The following VPS13B variants were observed in gnomAD, a reference collection of about 807,000 sequenced individuals.
VPS13B encodes intermembrane lipid transfer protein VPS13B.
A neutral mutation model predicts 426.4 loss-of-function variants in VPS13B; 285 were observed. That is an observed-to-expected ratio of 0.67 (90% CI 0.61 to 0.74). The LOEUF (loss-of-function observed/expected upper bound fraction) is 0.74, where lower values mean the gene tolerates loss of function less well. VPS13B is among the 30% of genes least tolerant of loss of function. The probability of loss-of-function intolerance (pLI) is 0.00; values close to 1 mark genes in which losing one functional copy is unlikely to be tolerated. For missense variants in VPS13B, 4,537 were observed against 4,782.6 expected (o/e 0.95, Z 1.51); for synonymous variants, 1,676 against 1,676.4 (o/e 1.00, Z 0.01).
intron 54 of VPS13B, among the ~76,000 whole-genome samples, chr8:99,843,329 G>T (rs1815807046): frequency 6.6e-6 from 1 of 152,004 alleles, no homozygotes; most frequent in African/African-American, 2.4e-5. Context: ...ATCAGGACTG[G>T]CCGGGTTATT....
intron 39 of VPS13B, among the ~76,000 whole-genome samples, chr8:99,740,696 A>C (rs149893352): frequency 5.9e-5 from 9 of 152,296 alleles, no homozygotes; most frequent in African/African-American, 2.2e-4. Context: ...AGAATTTTGA[A>C]CCCAGAATTT....
intron 39 of VPS13B, among the ~76,000 whole-genome samples, chr8:99,754,888 C>CA (rs1810562692): frequency 6.6e-6 from 1 of 152,138 alleles, no homozygotes; most frequent in Non-Finnish European, 1.5e-5. Context: ...CCCCAACCCC[C>CA]ATGCCCCCAC....
rs773907481 is a variant in VPS13B, at chr8:99,853,438, C to T, written c.10062-13C>T. 1 of 1,613,988 alleles carries T rather than the reference C, an allele frequency of 6.2e-7. No homozygotes were observed. On this transcript the variant is annotated splice_polypyrimidine_tract_variant and intron_variant, in intron 55 of 61. Coordinates refer to ENST00000357162, the MANE Select transcript of VPS13B (RefSeq NM_152564.5). ...AGTGGGGGGACTAATGTTCTTGTCC[C>T]TTTCTCCTCTAGAGCGCCAGAGAAG... is the stretch of plus-strand genomic sequence containing the variant.
chr8:99,026,689 T>C (rs1167561075), intron 2 of VPS13B, among the ~76,000 whole-genome samples: 1 of 152,172 alleles, frequency 6.6e-6, no homozygotes, highest in Non-Finnish European at 1.5e-5. Context: ...TCATTATTAT[T>C]ATATGATGAC....
intron 12 of VPS13B, among the ~76,000 whole-genome samples, chr8:99,141,987 A>G (rs1810452758): frequency 6.6e-6 from 1 of 151,736 alleles, no homozygotes; most frequent in East Asian, 1.9e-4. Flanking sequence ...CAGGAGGCGG[A>G]GCTTTCAGTG....
intron 36 of VPS13B, 106 bp from the exon 37 acceptor site, chr8:99,717,065 C>G (rs1267364799): frequency 8.6e-7 from 1 of 1,169,300 alleles, no homozygotes; most frequent in Non-Finnish European, 1.2e-6. Context: ...AGCAAGACGA[C>G]TCTGACAAAG....
chr8:99,781,563 T>C (rs1812022750), intron 42 of VPS13B, among the ~76,000 whole-genome samples: 1 of 152,172 alleles, frequency 6.6e-6, no homozygotes, highest in Non-Finnish European at 1.5e-5. Context: ...ATTACAGTTA[T>C]AATGAACTCC....
At chr8:99,492,094 T>A (rs1820635896) in intron 25 of VPS13B, among the ~76,000 whole-genome samples, 1 of 152,184 alleles carries the variant, frequency 6.6e-6, no homozygotes, top group Non-Finnish European at 1.5e-5. Flanking sequence ...TTTCTGTTTG[T>A]TAGTTTTCCT....
intron 17 of VPS13B, among the ~76,000 whole-genome samples, chr8:99,211,185 G>T (rs1426053567): frequency 6.6e-6 from 1 of 152,166 alleles, no homozygotes; most frequent in African/African-American, 2.4e-5. Flanking sequence ...TAGGCAAAAG[G>T]CATCTTTGTT....
chr8:99,647,365 C>T (rs577858188), intron 34 of VPS13B, among the ~76,000 whole-genome samples: 1 of 152,042 alleles, frequency 6.6e-6, no homozygotes, highest in Admixed American at 6.6e-5. Context: ...AGTTCAAGAC[C>T]AGCCTGGCCA....
intron 39 of VPS13B, among the ~76,000 whole-genome samples, chr8:99,731,006 GA>G (rs958364258): frequency 2.6e-5 from 4 of 151,730 alleles, no homozygotes; most frequent in East Asian, 1.9e-4. Context: ...GATTAAAACT[GA>G]AAAAAAATGG....
chr8:99,550,314 G>C (rs1009720308), intron 30 of VPS13B, among the ~76,000 whole-genome samples: 3 of 151,782 alleles, frequency 2.0e-5, no homozygotes, highest in Non-Finnish European at 2.9e-5. Flanking sequence ...AGTTATAGAA[G>C]AAGTAATGTT....
At chr8:99,407,416 A>G (rs890017199) in intron 21 of VPS13B, among the ~76,000 whole-genome samples, 2 of 152,136 alleles carry the variant, frequency 1.3e-5, no homozygotes, top group Admixed American at 6.6e-5. Context: ...GTGCTTCTAC[A>G]ATTATTGTAC....
intron 19 of VPS13B, among the ~76,000 whole-genome samples, chr8:99,304,297 A>G (rs992097763): frequency 1.2e-4 from 18 of 152,192 alleles, no homozygotes. Context: ...TTTCTGTTTT[A>G]TCAGAAAGCA....
At chr8:99,868,184 G>A (rs1817200120) in intron 58 of VPS13B, 105 bp from the exon 59 acceptor site, 4 of 1,405,800 alleles carry the variant, frequency 2.8e-6, no homozygotes, top group Non-Finnish European at 3.0e-6. Context: ...TATAATGAGG[G>A]TGGGGACTCA....
At chr8:99,661,027 TA>T (rs1160382299) in intron 34 of VPS13B, among the ~76,000 whole-genome samples, 28 of 152,132 alleles carry the variant, frequency 1.8e-4, no homozygotes, top group Admixed American at 1.8e-3. Flanking sequence ...TATCACATTT[TA>T]AAAAATATCC....
At chr8:99,767,893 C>T (rs1811305330) in intron 40 of VPS13B, among the ~76,000 whole-genome samples, 1 of 152,138 alleles carries the variant, frequency 6.6e-6, no homozygotes, top group Admixed American at 6.5e-5. Context: ...CTCACCACTG[C>T]ACTCCAGCCT....
chr8:99,110,986 G>A, intron 5 of VPS13B, 112 bp from the exon 6 acceptor site: 1 of 808,876 alleles, frequency 1.2e-6, no homozygotes, highest in Non-Finnish European at 1.8e-6. Context: ...AATGCTCCAT[G>A]AATCTTATTT....
rs200560713 is a variant in VPS13B at position 99,838,920 on chromosome 8, G to A, written c.9942+3182G>A. ...TTCAGAGGGCACGTGGTCCTTTCAG[G>A]GAACTAAATGCCAGTGCGGCTGTAG... is the stretch of plus-strand genomic sequence containing the variant. On this transcript the variant is annotated intron_variant, in intron 54 of 61. Transcript: ENST00000357162. Among the ~76,000 whole-genome samples the A allele has an allele frequency of 7.9e-5, 12 of 152,360 alleles. No individual in the cohort carries two copies. In the East Asian group the frequency reaches 2.3e-3, roughly 29 times the overall value.
Sources: allele counts gnomAD v4.1 joint callset (sites outside exome capture counted in the v4.1 genomes callset), GRCh38; gene constraint gnomAD v4.1.1; transcripts MANE v1.5; gene names NCBI Gene and HGNC (gene_info 2026-07-23, HGNC 2026-07-21).